BABAM2: variants seen among roughly 807,000 people sequenced by gnomAD.
The protein encoded by BABAM2 is BRISC and BRCA1-A complex member 2.
In BABAM2, 31 loss-of-function variants were observed where a neutral mutation model predicts 54.7. That is an observed-to-expected ratio of 0.57 (90% confidence interval 0.43 to 0.77). BABAM2 has a LOEUF of 0.77. BABAM2 is among the 30% of genes least tolerant of loss of function. The pLI, the probability that BABAM2 is intolerant of heterozygous loss-of-function variation, is 0.00. For synonymous variants in BABAM2, 167 were observed against 162.9 expected (o/e 1.03, Z -0.19); for missense variants, 364 against 455.8 (o/e 0.80, Z 1.83).
chr2:28,204,351 G>T (rs1225739903), intron 7 of BABAM2, among the ~76,000 whole-genome samples: 1 of 152,080 alleles, frequency 6.6e-6, no homozygotes, highest in Non-Finnish European at 1.5e-5. Context: ...GTGATGTTTA[G>T]GCCAAGACCT....
At chr2:28,163,545 T>G (rs757897539) in intron 7 of BABAM2, among the ~76,000 whole-genome samples, 3 of 152,108 alleles carry the variant, frequency 2.0e-5, no homozygotes, top group Non-Finnish European at 4.4e-5. Flanking sequence ...AGATATCTAA[T>G]AGAATGCCAG....
At chr2:27,996,647 G>T (rs1673166122) in intron 4 of BABAM2, among the ~76,000 whole-genome samples, 1 of 152,196 alleles carries the variant, frequency 6.6e-6, no homozygotes, top group South Asian at 2.1e-4. Flanking sequence ...CATGTTTGAG[G>T]TCTCTCAACA....
intron 5 of BABAM2, among the ~76,000 whole-genome samples, chr2:28,030,010 G>T (rs1366853421): frequency 6.6e-6 from 1 of 152,122 alleles, no homozygotes. Context: ...CTTTAGTGCT[G>T]ACAGGCTCAT....
intron 11 of BABAM2, among the ~76,000 whole-genome samples, chr2:28,327,836 T>C (rs1365822307): frequency 6.6e-6 from 1 of 152,204 alleles, no homozygotes; most frequent in African/African-American, 2.4e-5. Context: ...GTTAATTTCC[T>C]TGTTTTGCAA....
chr2:28,198,150 C>T (rs1332009789), intron 7 of BABAM2, among the ~76,000 whole-genome samples: 1 of 151,710 alleles, frequency 6.6e-6, no homozygotes, highest in Non-Finnish European at 1.5e-5. Context: ...TGAAAATTCA[C>T]TACCACAGGA....
intron 7 of BABAM2, among the ~76,000 whole-genome samples, chr2:28,181,794 T>A (rs10205348): frequency 0.71 from 106,525 of 149,446 alleles, 38,101 homozygotes; most frequent in East Asian, 0.94. Flanking sequence ...ATTTTTTTTT[T>A]AAAAAAAAAA....
At chr2:28,195,238 ATG>A (rs1206461461) in intron 7 of BABAM2, among the ~76,000 whole-genome samples, 2 of 152,184 alleles carry the variant, frequency 1.3e-5, no homozygotes, top group Non-Finnish European at 2.9e-5. Context: ...ACTATTAAGA[ATG>A]TGTCTGCAAT....
At position 27,995,408 on chromosome 2, in the gene BABAM2, T is replaced by G. The variant is rs1160458440; in HGVS notation, c.300+7321T>G. 6.6e-6 allele frequency among the ~76,000 whole-genome samples: 1 copy of G among 152,138 alleles called. No individual in the cohort carries two copies. Among genetic ancestry groups the G allele is most frequent in the Non-Finnish European group, 1.5e-5 (1 of 68,026 alleles). Reference sequence around the variant, plus strand: ...TTGACAAGCTGAACACTGCACCCACTGGCAGAAGAAAAATGTTTACAGGGT... The same window carrying G: ...TTGACAAGCTGAACACTGCACCCACGGGCAGAAGAAAAATGTTTACAGGGT... On this transcript the variant is annotated intron_variant, in intron 4 of 11. Coordinates refer to ENST00000379624, the MANE Select transcript of BABAM2 (RefSeq NM_199191.3). The surrounding 1 kb of genome is among the most constrained non-coding windows in gnomAD (Gnocchi z 4.1).
chr2:27,965,060 A>G (rs1303919761), intron 3 of BABAM2, among the ~76,000 whole-genome samples: 2 of 152,228 alleles, frequency 1.3e-5, no homozygotes, highest in Non-Finnish European at 2.9e-5. Flanking sequence ...CAACTATGTC[A>G]GAAACTGAGC....
chr2:28,260,299 CTTTTTT>C (rs965855673), intron 10 of BABAM2, among the ~76,000 whole-genome samples: 4 of 120,426 alleles, frequency 3.3e-5, no homozygotes, highest in African/African-American at 9.3e-5. Flanking sequence ...TATTTCTTTT[CTTTTTT>C]TTTTTTTTTT....
chr2:28,181,777 CAATAAAATTTTTTTTTTAAAAAAA>C (rs1485164336), intron 7 of BABAM2, among the ~76,000 whole-genome samples: 1 of 148,302 alleles, frequency 6.7e-6, no homozygotes, highest in African/African-American at 2.5e-5. Flanking sequence ...AAATATGCAC[CAATAAAATTTTTTTTTTAAAAAAA>C]AAAGACAAAA....
At chr2:27,930,966 G>T (rs992023132) in intron 3 of BABAM2, among the ~76,000 whole-genome samples, 1 of 152,160 alleles carries the variant, frequency 6.6e-6, no homozygotes, top group Non-Finnish European at 1.5e-5. Flanking sequence ...TGGGTAAACC[G>T]CTTTTTGACC....
At chr2:28,214,409 G>T (rs190716878) in intron 7 of BABAM2, among the ~76,000 whole-genome samples, 2 of 151,964 alleles carry the variant, frequency 1.3e-5, no homozygotes, top group African/African-American at 2.4e-5. Flanking sequence ...ATAGTAATAC[G>T]ATTAACTTTT....
intron 6 of BABAM2, among the ~76,000 whole-genome samples, chr2:28,110,230 A>G (rs146777157): frequency 2.0e-5 from 3 of 152,174 alleles, no homozygotes; most frequent in Non-Finnish European, 4.4e-5. Context: ...ATAATATTCC[A>G]TATATGTGTA....
intron 4 of BABAM2, among the ~76,000 whole-genome samples, chr2:28,014,921 C>G (rs1674689014): frequency 6.6e-6 from 1 of 152,180 alleles, no homozygotes; most frequent in Admixed American, 6.6e-5. Flanking sequence ...GTACCAGTGT[C>G]TATTTAAAAT....
intron 11 of BABAM2, among the ~76,000 whole-genome samples, chr2:28,299,104 A>C (rs2148244273): frequency 6.6e-6 from 1 of 152,346 alleles, no homozygotes; most frequent in South Asian, 2.1e-4. Context: ...GCGTCTCTGC[A>C]GTGTATACCA....
At chr2:27,932,212 G>A (rs139219740) in intron 3 of BABAM2, among the ~76,000 whole-genome samples, 3 of 151,984 alleles carry the variant, frequency 2.0e-5, no homozygotes, top group African/African-American at 4.8e-5. Context: ...TAGCCCATCC[G>A]ATAATTTTTT....
At chr2:28,266,246 C>G (rs1323605406) in intron 10 of BABAM2, among the ~76,000 whole-genome samples, 1 of 152,190 alleles carries the variant, frequency 6.6e-6, no homozygotes, top group East Asian at 1.9e-4. Context: ...CTGGACCTCC[C>G]AAAGTGTTGG....
chr2:28,100,595 C>T (rs1215422928), intron 6 of BABAM2, among the ~76,000 whole-genome samples: 1 of 151,854 alleles, frequency 6.6e-6, no homozygotes, highest in African/African-American at 2.4e-5. Flanking sequence ...GCCTTCTAAT[C>T]TCCAAACTCA....
Sources: gnomAD v4.1 joint callset for allele counts (sites outside exome capture counted in the v4.1 genomes callset) on GRCh38, gnomAD v4.1.1 for gene constraint, Gnocchi (gnomAD v3.1) non-coding constraint, MANE v1.5 for transcripts, NCBI Gene and HGNC (gene_info 2026-07-23, HGNC 2026-07-21) for gene names.